PRELID2: variants seen among roughly 807,000 people sequenced by gnomAD.
The protein encoded by PRELID2 is PRELI domain-containing protein 2.
PRELID2 carries 25 observed loss-of-function variants against 28.4 expected under a neutral mutation model. The observed-to-expected ratio is 0.88, with a 90% CI of 0.64 to 1.23. The LOEUF is 1.23. Ranked by LOEUF, PRELID2 falls within the 50% of genes most tolerant of loss-of-function variation. PRELID2 has a pLI of 0.00. For missense variants in PRELID2, 201 were observed against 214.4 expected (o/e 0.94, Z 0.39); for synonymous variants, 76 against 71.6 (o/e 1.06, Z -0.31).
At chr5:145,407,455 C>A in the PRELID2 span, among the ~76,000 whole-genome samples, 1 of 152,086 alleles carries the variant, frequency 6.6e-6, no homozygotes, top group Non-Finnish European at 1.5e-5. Flanking sequence ...CCACAACAAG[C>A]CTCACCTAAG....
chr5:145,297,837 A>T, the PRELID2 span, among the ~76,000 whole-genome samples: 1 of 152,006 alleles, frequency 6.6e-6, no homozygotes, highest in South Asian at 2.1e-4. Context: ...AGACAAACAG[A>T]GAGCCAAATC....
At chr5:145,651,643 C>A (rs577376037) in intron 1 of PRELID2, among the ~76,000 whole-genome samples, 73 of 152,334 alleles carry the variant, frequency 4.8e-4, no homozygotes, top group African/African-American at 1.7e-3. Flanking sequence ...CCCAGGCAAA[C>A]AGGGTCTGGA....
chr5:145,515,155 G>A (rs1752504855), intron 1 of PRELID2, among the ~76,000 whole-genome samples: 2 of 151,910 alleles, frequency 1.3e-5, no homozygotes, highest in Non-Finnish European at 2.9e-5. Context: ...TAACTAAGAT[G>A]AGAACAGAAC....
At chr5:145,349,402 A>G in the PRELID2 span, among the ~76,000 whole-genome samples, 1 of 152,148 alleles carries the variant, frequency 6.6e-6, no homozygotes, top group East Asian at 1.9e-4. Context: ...ATTTGAAGTA[A>G]GCTTCAAAGT....
the PRELID2 span, among the ~76,000 whole-genome samples, chr5:145,391,037 C>A: frequency 2.1e-4 from 32 of 152,318 alleles, no homozygotes; most frequent in East Asian, 6.2e-3. Context: ...GGAAGTGCCA[C>A]CCCTGTGGCT....
At chr5:145,311,723 G>A in the PRELID2 span, among the ~76,000 whole-genome samples, 1 of 152,116 alleles carries the variant, frequency 6.6e-6, no homozygotes, top group Non-Finnish European at 1.5e-5. Context: ...AGCATGTTGA[G>A]TGATTCCCAT....
the PRELID2 span, among the ~76,000 whole-genome samples, chr5:145,279,579 A>G: frequency 1.3e-5 from 2 of 152,202 alleles, no homozygotes; most frequent in African/African-American, 4.8e-5. Context: ...CTAGAATTTC[A>G]CAAACTCTAG....
chr5:145,266,982 G>A, the PRELID2 span, among the ~76,000 whole-genome samples: 1 of 152,058 alleles, frequency 6.6e-6, no homozygotes, highest in Non-Finnish European at 1.5e-5. Context: ...GCTATGAGAT[G>A]CAAAGGCATA....
the PRELID2 span, among the ~76,000 whole-genome samples, chr5:145,329,058 T>A: frequency 3.3e-5 from 5 of 152,194 alleles, no homozygotes; most frequent in East Asian, 9.6e-4. Context: ...CTTGTTTTTG[T>A]CAGGTTTGTC....
At chr5:145,244,275 A>G in the PRELID2 span, among the ~76,000 whole-genome samples, 7 of 151,888 alleles carry the variant, frequency 4.6e-5, no homozygotes, top group African/African-American at 1.7e-4. Context: ...TGTAACATGC[A>G]TTTCACTCTT....
chr5:145,464,458 G>T, the PRELID2 span, among the ~76,000 whole-genome samples: 22 of 152,256 alleles, frequency 1.4e-4, no homozygotes, highest in African/African-American at 4.6e-4. Flanking sequence ...CCAGGAAACA[G>T]AAATATATGC....
At chr5:145,357,196 A>G in the PRELID2 span, among the ~76,000 whole-genome samples, 8 of 152,134 alleles carry the variant, frequency 5.3e-5, no homozygotes, top group Non-Finnish European at 1.2e-4. Flanking sequence ...GACCTTGAAG[A>G]ATCTGATAAT....
chr5:145,425,423 A>G, the PRELID2 span, among the ~76,000 whole-genome samples: 1 of 152,244 alleles, frequency 6.6e-6, no homozygotes, highest in African/African-American at 2.4e-5. Flanking sequence ...CCAAAGGAAT[A>G]TAAATCATTC....
chr5:145,499,173 AG>A (rs1752336591), intron 1 of PRELID2, among the ~76,000 whole-genome samples: 1 of 152,112 alleles, frequency 6.6e-6, no homozygotes, highest in Admixed American at 6.6e-5. Flanking sequence ...TCTTGAGCCC[AG>A]GAGGCTGAGG....
intron 1 of PRELID2, among the ~76,000 whole-genome samples, chr5:145,724,650 G>A (rs1756091590): frequency 1.6e-5 from 1 of 63,190 alleles, no homozygotes; most frequent in African/African-American, 4.0e-5. Context: ...TATATATAAT[G>A]CCTGTAACTT....
intron 1 of PRELID2, among the ~76,000 whole-genome samples, chr5:145,560,043 A>C (rs946329658): frequency 2.0e-5 from 3 of 152,186 alleles, no homozygotes; most frequent in Non-Finnish European, 4.4e-5. Flanking sequence ...CATTTACATT[A>C]GTCTACAGTT....
intron 1 of PRELID2, among the ~76,000 whole-genome samples, chr5:145,610,507 G>C (rs1033848546): frequency 6.6e-6 from 1 of 151,936 alleles, no homozygotes; most frequent in Non-Finnish European, 1.5e-5. Context: ...TAGAACACAA[G>C]GACACAGGAC....
intron 1 of PRELID2, among the ~76,000 whole-genome samples, chr5:145,534,555 T>C (rs1051142448): frequency 6.6e-6 from 1 of 152,040 alleles, no homozygotes; most frequent in African/African-American, 2.4e-5. Context: ...TAAGGCAGAC[T>C]GAACCTGGCT....
the PRELID2 span, among the ~76,000 whole-genome samples, chr5:145,316,848 A>T: frequency 6.6e-6 from 1 of 152,220 alleles, no homozygotes; most frequent in African/African-American, 2.4e-5. Flanking sequence ...CTTTGCTAAC[A>T]TGTATATATG....
Sources: gnomAD v4.1 joint callset for allele counts (sites outside exome capture counted in the v4.1 genomes callset) on GRCh38, gnomAD v4.1.1 for gene constraint, MANE v1.5 for transcripts, NCBI Gene and HGNC (gene_info 2026-07-23, HGNC 2026-07-21) for gene names.